The following POLR2F variants were observed in gnomAD, a reference collection of about 807,000 sequenced individuals.
The protein encoded by POLR2F is DNA-directed RNA polymerases I, II, and III subunit RPABC2.
In POLR2F, 12 loss-of-function variants were observed where a neutral mutation model predicts 22.7. The observed-to-expected ratio is 0.53, with a 90% CI of 0.34 to 0.86. POLR2F has a LOEUF of 0.86. POLR2F is among the 40% of genes least tolerant of loss of function. POLR2F has a pLI of 0.02. For missense variants in POLR2F, 126 were observed against 171.5 expected, an observed-to-expected ratio of 0.73 and a Z score of 1.48; for synonymous variants, 57 against 66.0, an observed-to-expected ratio of 0.86 and a Z score of 0.66.
In POLR2F at chr22:37,967,903, C is replaced by G. The variant is rs1931922807; in HGVS notation, c.*188C>G. ...CCTATTCCAGTGGCCCTGTGACTGT[C>G]AGCTCCTTAAGAAGCACCAGGGGCC... On this transcript the variant is annotated 3_prime_UTR_variant, in exon 5 of 5. Transcript: ENST00000442738. 7.5e-7 allele frequency: 1 copy of G among 1,328,722 alleles called. No homozygotes were observed. The highest frequency in any genetic ancestry group is 1.5e-5 in the African/African-American group (1 of 66,176). 82.3% of individuals were successfully genotyped at this position (1,328,722 alleles called of 1,614,324 possible).
At chr22:37,979,996 A>G (rs1601884020) in intron 4 of POLR2F, among the ~76,000 whole-genome samples, 1 of 151,334 alleles carries the variant, frequency 6.6e-6, no homozygotes, top group South Asian at 2.1e-4. Context: ...CATGCCAGGC[A>G]CCTCCTAGCC....
At chr22:38,027,162 G>A (rs2085020730), downstream of POLR2F, among the ~76,000 whole-genome samples, 1 of 152,128 alleles carries the variant, frequency 6.6e-6, no homozygotes, top group African/African-American at 2.4e-5. Context: ...GTTAGCGTAT[G>A]GGGGATACAC....
At chr22:38,034,699 G>A (rs756724220) in intron 5 of POLR2F, among the ~76,000 whole-genome samples, 1 of 152,188 alleles carries the variant, frequency 6.6e-6, no homozygotes, top group Non-Finnish European at 1.5e-5. Flanking sequence ...ACTAATCCCA[G>A]GGGAGACCTG....
intron 5 of POLR2F, among the ~76,000 whole-genome samples, chr22:38,039,367 C>A (rs1328301226): frequency 1.3e-5 from 2 of 152,206 alleles, no homozygotes; most frequent in African/African-American, 4.8e-5. Flanking sequence ...TCCCTGCCCA[C>A]GTCCCCTCAC....
chr22:37,982,955 G>C (rs1932446954), upstream of POLR2F, among the ~76,000 whole-genome samples: 1 of 152,164 alleles, frequency 6.6e-6, no homozygotes, highest in African/African-American at 2.4e-5. Flanking sequence ...TGAATCTCCA[G>C]CCAACCCTTT....
chr22:38,035,774 G>C (rs976045650), intron 5 of POLR2F, among the ~76,000 whole-genome samples: 1 of 152,196 alleles, frequency 6.6e-6, no homozygotes, highest in African/African-American at 2.4e-5. Flanking sequence ...GCGGGTGGGA[G>C]GTGCTGCCCC....
intron 1 of POLR2F, among the ~76,000 whole-genome samples, chr22:38,014,908 C>A (rs1446377626): frequency 6.7e-6 from 1 of 149,534 alleles, no homozygotes; most frequent in Non-Finnish European, 1.5e-5. Context: ...CCTGGGTTCA[C>A]GCCATTCTCC....
chr22:38,008,945 G>A (rs956105246), intron 1 of POLR2F, among the ~76,000 whole-genome samples: 1 of 152,178 alleles, frequency 6.6e-6, no homozygotes, highest in African/African-American at 2.4e-5. Context: ...AGGGAAAGGG[G>A]TGTCAGGAGT....
At chr22:37,983,278 A>G, upstream of POLR2F, 1 of 1,479,166 alleles carries the variant, frequency 6.8e-7, no homozygotes, top group Non-Finnish European at 9.2e-7. This position sits in a 1 kb window ranked among gnomAD's most constrained non-coding sequence, Gnocchi z 9.5. Context: ...TCTGAGGTGC[A>G]GGAGGCCGGG....
Position 37,977,999 on chromosome 22 carries a change from C to T in POLR2F, c.293+10829C>T. ...TGCTCGGCCTCCCCACCGGGGCACTCCGCCTCGCCCTGGGCGGCCTTCCCG... is the reference window on the plus strand; with the variant it reads ...TGCTCGGCCTCCCCACCGGGGCACTTCGCCTCGCCCTGGGCGGCCTTCCCG... On this transcript the variant is annotated intron_variant, in intron 4 of 4. Transcript: ENST00000405557. The T allele has an allele frequency of 6.2e-7, 1 of 1,611,834 alleles. No homozygotes were observed. The highest frequency in any genetic ancestry group is 8.5e-7 in the Non-Finnish European group (1 of 1,179,816).
At chr22:38,041,231 A>T, downstream of POLR2F, 3 of 1,360,292 alleles carry the variant, frequency 2.2e-6, no homozygotes, top group South Asian at 4.0e-5. Context: ...GTCTAGACTG[A>T]TGGACCAGAT....
chr22:38,030,826 C>G (rs939667510), downstream of POLR2F, among the ~76,000 whole-genome samples: 6 of 152,240 alleles, frequency 3.9e-5, no homozygotes, highest in Admixed American at 2.0e-4. Context: ...GGAGCGTGGT[C>G]AGTGGTTCCC....
chr22:38,013,985 G>A (rs2084893864), intron 1 of POLR2F, among the ~76,000 whole-genome samples: 1 of 152,110 alleles, frequency 6.6e-6, no homozygotes, highest in African/African-American at 2.4e-5. Flanking sequence ...AGCCGGGCAT[G>A]ATGGCGCATG....
chr22:37,991,672 G>GTGAGATGTGCA (rs1932731072), intron 1 of POLR2F, among the ~76,000 whole-genome samples: 1 of 152,220 alleles, frequency 6.6e-6, no homozygotes, highest in African/African-American at 2.4e-5. Context: ...TGGCCCCTGA[G>GTGAGATGTGCA]TGAGATGTGC....
At chr22:38,000,556 G>A (rs2084759990) in intron 1 of POLR2F, among the ~76,000 whole-genome samples, 1 of 152,222 alleles carries the variant, frequency 6.6e-6, no homozygotes, top group Admixed American at 6.5e-5. Flanking sequence ...CCCTCGAGAT[G>A]GTGCTGACCC....
intron 3 of POLR2F, among the ~76,000 whole-genome samples, chr22:37,964,572 CTTT>C (rs11428366): frequency 2.3e-5 from 3 of 131,300 alleles, no homozygotes. Context: ...TTCTTTCTTT[CTTT>C]TTTTTTTTTT....
chr22:38,027,231 T>C (rs376145814), downstream of POLR2F, among the ~76,000 whole-genome samples: 3 of 152,316 alleles, frequency 2.0e-5, no homozygotes, highest in African/African-American at 7.2e-5. Context: ...TCCTCCTACC[T>C]GCAGGCCTCA....
chr22:37,971,173 G>A, downstream of POLR2F: 1 of 464,624 alleles, frequency 2.2e-6, no homozygotes, highest in Non-Finnish European at 4.5e-6. Context: ...GCAGAAGCAG[G>A]GGCTGCAAAC....
At chr22:37,964,308 G>A (rs1931766268) in intron 3 of POLR2F, among the ~76,000 whole-genome samples, 2 of 151,938 alleles carry the variant, frequency 1.3e-5, no homozygotes, top group African/African-American at 4.8e-5. Context: ...AAAGAGAGTT[G>A]GTTTTGTGGG....
Sources: gnomAD v4.1 joint callset for allele counts (sites outside exome capture counted in the v4.1 genomes callset) on GRCh38, gnomAD v4.1.1 for gene constraint, Gnocchi (gnomAD v3.1) non-coding constraint, MANE v1.5 for transcripts, NCBI Gene and HGNC (gene_info 2026-07-23, HGNC 2026-07-21) for gene names.